The following RFK variants were observed in gnomAD, a reference collection of about 807,000 sequenced individuals.
The protein encoded by RFK is 0610038L10Rik.
In RFK, 4 loss-of-function variants were observed where a neutral mutation model predicts 17.6. The observed-to-expected ratio is 0.23, with a 90% CI of 0.11 to 0.52. RFK has a LOEUF of 0.52. Ranked by LOEUF, RFK falls within the 20% of genes least tolerant of loss-of-function variation. The pLI, the probability that RFK is intolerant of heterozygous loss-of-function variation, is 0.96. For missense variants in RFK, 189 were observed against 187.7 expected, an observed-to-expected ratio of 1.01 and a Z score of -0.04; for synonymous variants, 59 against 63.8, an observed-to-expected ratio of 0.92 and a Z score of 0.36.
In RFK at chr9:76,394,143, C is replaced by T. The variant is rs1351217661; in HGVS notation, c.29G>A (p.Gly10Asp). 6 of 1,609,554 alleles carry T rather than the reference C, an allele frequency of 3.7e-6. No homozygotes were observed. Reference sequence around the variant, plus strand: ...GCGGCCGAAGCCCCGCACCACTTGACCCCGGCAGAAGTAAGGCAGGTGCCT... The same window carrying T: ...GCGGCCGAAGCCCCGCACCACTTGATCCCGGCAGAAGTAAGGCAGGTGCCT... Reference protein sequence around the residue: MRHLPYFCRGQVVRGFGRGS... With the variant: MRHLPYFCRDQVVRGFGRGS... The change falls in exon 1 of 4, where the codon GGT becomes GAT. Residue 10 changes from glycine (G) to aspartate (D), a missense_variant. Physicochemically the swap from Gly to Asp is moderately conservative, Grantham distance 94 (BLOSUM62 -1). Coordinates refer to ENST00000376736, the MANE Select transcript of RFK (RefSeq NM_018339.6).
rs760803028 is a variant in RFK, at chr9:76,386,187, A to G, written c.*1212T>C. On this transcript the variant is annotated 3_prime_UTR_variant, in exon 4 of 4. Coordinates refer to ENST00000376736, the MANE Select transcript of RFK (RefSeq NM_018339.6). The stretch of plus-strand genomic sequence containing the variant: ...AGCATCTGTAATCTTAATTTCCCAC[A>G]TATTAGTTAGTAGGAGGAAAAATCC... 4 of 152,150 alleles carry G rather than the reference A, an allele frequency of 2.6e-5. No individual in the cohort carries two copies. Among genetic ancestry groups the G allele is most frequent in the Non-Finnish European group, 5.9e-5 (4 of 68,028 alleles). The allele number at this position is 152,150 out of a possible 1,614,324, so 9.4% of individuals were successfully genotyped here. A position where few individuals can be genotyped will look rare whatever the true frequency, so the allele number is the denominator to read the frequency against.
rs368837251 is a variant in RFK at position 76,392,282 on chromosome 9, CAG to C, written c.234+134_234+135del. ...TGAATTAAACTCTCCAATTAAAAGA[CAG>C]AGATTGCCCAAAATTCCAGTATTTG... On this transcript the variant is annotated intron_variant, in intron 2 of 3. Coordinates refer to ENST00000376736, the MANE Select transcript of RFK (RefSeq NM_018339.6). The C allele has an allele frequency of 6.5e-4, 529 of 812,944 alleles. 3 individuals carry two copies. The South Asian group carries it at 0.011, about 16-fold the overall frequency. The allele number at this position is 812,944 out of a possible 1,614,324, so 50.4% of individuals were successfully genotyped here.
chr9:76,392,874 A>T (rs1822835562), intron 1 of RFK, among the ~76,000 whole-genome samples: 1 of 152,232 alleles, frequency 6.6e-6, no homozygotes, highest in Non-Finnish European at 1.5e-5. Context: ...ACTGCACTCC[A>T]GCCTGAGTGG....
chr9:76,388,647 T>C lies in RFK; in HGVS notation c.244A>G (p.Ile82Val). The C allele has an allele frequency of 3.1e-6, 5 of 1,602,182 alleles. No individual in the cohort carries two copies. The highest frequency in any genetic ancestry group is 4.3e-6 in the Non-Finnish European group (5 of 1,169,270). Residue 82 changes from isoleucine to valine, a missense_variant, in exon 3 of 4, where the codon ATC becomes GTC. Physicochemically the swap from Ile to Val is conservative, Grantham distance 29. This residue lies in a region of RFK where 95 missense variants were observed against 95.7 expected (regional missense o/e 0.99). Coordinates refer to ENST00000376736, the MANE Select transcript of RFK (RefSeq NM_018339.6). ...AAGTCCTCTTTGAAGGTATGCATGA[T>C]ATGTGTTTCCTATAGTCAAGAAATG... is the stretch of plus-strand genomic sequence containing the variant. The part of the protein sequence containing the change: ...KNTKKSMETH[I>V]MHTFKEDFYG...
At chr9:76,388,148 C>T (rs889134846) in intron 3 of RFK, 2 of 399,164 alleles carry the variant, frequency 5.0e-6, no homozygotes, top group Non-Finnish European at 9.8e-6. Flanking sequence ...AACTTTATAA[C>T]AGAGTTAAAA....
rs1212758542 is a variant in RFK at position 76,388,657 on chromosome 9, C to T, written c.235-1G>A. 6.3e-7 allele frequency: 1 copy of T among 1,575,366 alleles called. No homozygotes were observed. The highest frequency in any genetic ancestry group is 1.7e-5 in the Admixed American group (1 of 59,458). On this transcript the variant is annotated splice_acceptor_variant, in intron 2 of 3. Transcript: ENST00000376736. LOFTEE classifies it high-confidence loss of function. The stretch of plus-strand genomic sequence containing the variant: ...TGAAGGTATGCATGATATGTGTTTC[C>T]TATAGTCAAGAAATGTTACAAAGAG...
chr9:76,391,917 C>T (rs1277375758), intron 2 of RFK, among the ~76,000 whole-genome samples: 1 of 141,836 alleles, frequency 7.1e-6, no homozygotes, highest in East Asian at 2.2e-4. Context: ...GTCTGGGCAA[C>T]ATAGTGAGAC....
Position 76,388,640 on chromosome 9 carries a change from T to A in RFK, c.251A>T (p.His84Leu), listed in dbSNP as rs201712160. The A allele has an allele frequency of 5.6e-6, 9 of 1,607,334 alleles. No homozygotes were observed. The highest frequency in any genetic ancestry group is 7.7e-6 in the Non-Finnish European group (9 of 1,173,812). ...TKKSMETHIM[H>L]TFKEDFYGEI... is the part of the protein sequence containing the mutation. ...CCCATAGAAGTCCTCTTTGAAGGTA[T>A]GCATGATATGTGTTTCCTATAGTCA... The change falls in exon 3 of 4, where the codon CAT (histidine) becomes CTT (leucine). Residue 84 changes from histidine (H) to leucine (L), a missense_variant. Around this residue, in one of 3 missense-constraint regions of RFK, gnomAD observed 95 missense variants for 95.7 expected, o/e 0.99. Coordinates refer to ENST00000376736, the MANE Select transcript of RFK (RefSeq NM_018339.6).
At chr9:76,393,756 C>T in intron 1 of RFK, 1 of 365,640 alleles carries the variant, frequency 2.7e-6, no homozygotes, top group Non-Finnish European at 5.0e-6. Flanking sequence ...GCCCACGTTA[C>T]GTCTCTAATG....
At position 76,387,381 on chromosome 9, in the gene RFK, A is replaced by C; in HGVS notation, c.*18T>G. Reference sequence around the variant, plus strand: ...AAACACTAGAAAACAGTGAATGAATAAATAATACAATTTTTCATCAGTGGC... The same window carrying C: ...AAACACTAGAAAACAGTGAATGAATCAATAATACAATTTTTCATCAGTGGC... On this transcript the variant is annotated 3_prime_UTR_variant, in exon 4 of 4. Coordinates refer to ENST00000376736, the MANE Select transcript of RFK (RefSeq NM_018339.6). 1 of 1,596,630 alleles carries C rather than the reference A, an allele frequency of 6.3e-7. No individual in the cohort carries two copies. The highest frequency in any genetic ancestry group is 8.5e-7 in the Non-Finnish European group (1 of 1,170,510).
intron 2 of RFK, among the ~76,000 whole-genome samples, chr9:76,390,174 T>C (rs543496818): frequency 2.0e-5 from 3 of 152,266 alleles, no homozygotes; most frequent in East Asian, 1.9e-4. Flanking sequence ...TACATCCATA[T>C]GGAAAAAAAT....
chr9:76,391,287 T>C (rs568693386), intron 2 of RFK, among the ~76,000 whole-genome samples: 1 of 152,344 alleles, frequency 6.6e-6, no homozygotes, highest in African/African-American at 2.4e-5. Context: ...AGAACAAAAT[T>C]TAGCTTCACT....
In RFK at chr9:76,385,638, CAATT is replaced by C. The variant is rs1822719620; in HGVS notation, c.*1757_*1760del. 1 of 152,136 alleles carries C rather than the reference CAATT, an allele frequency of 6.6e-6. No individual in the cohort carries two copies. Among genetic ancestry groups the C allele is most frequent in the Non-Finnish European group, 1.5e-5 (1 of 68,020 alleles). 9.4% of individuals were successfully genotyped at this position (152,136 alleles called of 1,614,324 possible). The stretch of plus-strand genomic sequence containing the variant: ...TAAAAGTTTTTGAAAGATATAGACA[CAATT>C]AACCCCTAAACAACACACTATCTGA... On this transcript the variant is annotated 3_prime_UTR_variant, in exon 4 of 4. Coordinates refer to ENST00000376736, the MANE Select transcript of RFK (RefSeq NM_018339.6).
rs916838630 is a variant in RFK, at chr9:76,386,296, A to T, written c.*1103T>A. 1 of 152,230 alleles carries T rather than the reference A, an allele frequency of 6.6e-6. No individual in the cohort carries two copies. Among genetic ancestry groups the T allele is most frequent in the South Asian group, 2.1e-4 (1 of 4,832 alleles). The allele number at this position is 152,230 out of a possible 1,614,324, so 9.4% of individuals were successfully genotyped here. The stretch of plus-strand genomic sequence containing the variant: ...TTTAGCATTAAATTACATCGTGCAT[A>T]TACAACTACACCCATTTAGATTTGC... On this transcript the variant is annotated 3_prime_UTR_variant, in exon 4 of 4. Coordinates refer to ENST00000376736, the MANE Select transcript of RFK (RefSeq NM_018339.6).
chr9:76,388,296 A>G lies in RFK; in HGVS notation c.337+258T>C, dbSNP rs753757750. ...AGAAGCAGCCAGCCTGCTAGGTTCA[A>G]AGCTAGACTCCGTTATTTACTATGT... is the stretch of plus-strand genomic sequence containing the variant. On this transcript the variant is annotated intron_variant, in intron 3 of 3. Coordinates refer to ENST00000376736, the MANE Select transcript of RFK (RefSeq NM_018339.6). 9 of 580,514 alleles carry G rather than the reference A, an allele frequency of 1.6e-5. 1 individual carries two copies. The highest frequency in any genetic ancestry group is 1.2e-4 in the South Asian group (8 of 65,426). 36.0% of individuals were successfully genotyped at this position (580,514 alleles called of 1,614,324 possible).
Position 76,387,269 on chromosome 9 carries a change from T to C in RFK, c.*130A>G. The C allele has an allele frequency of 1.2e-6, 1 of 801,944 alleles. No homozygotes were observed. The highest frequency in any genetic ancestry group is 2.3e-5 in the Admixed American group (1 of 43,188). The allele number at this position is 801,944 out of a possible 1,614,324, so 49.7% of individuals were successfully genotyped here. Reference sequence around the variant, plus strand: ...TTGAAGCATGATATGATAACAACATTGTACGGTTTAAACTAATTCACAACT... The same window carrying C: ...TTGAAGCATGATATGATAACAACATCGTACGGTTTAAACTAATTCACAACT... On this transcript the variant is annotated 3_prime_UTR_variant, in exon 4 of 4. Coordinates refer to ENST00000376736, the MANE Select transcript of RFK (RefSeq NM_018339.6).
At chr9:76,389,356 G>T (rs374208466) in intron 2 of RFK, among the ~76,000 whole-genome samples, 7 of 152,252 alleles carry the variant, frequency 4.6e-5, no homozygotes, top group Admixed American at 4.6e-4. Flanking sequence ...TGTAATGGGT[G>T]GGGGGCGGCT....
At chr9:76,394,068 A>G in intron 1 of RFK, 22 bp downstream of exon 1, 1 of 1,574,138 alleles carries the variant, frequency 6.4e-7, no homozygotes, top group Non-Finnish European at 8.6e-7. Flanking sequence ...GGCCCGGGGG[A>G]CTCTGGCCGC....
chr9:76,392,337 C>A, intron 2 of RFK, 81 bp downstream of exon 2: 2 of 1,433,254 alleles, frequency 1.4e-6, no homozygotes, highest in Non-Finnish European at 9.6e-7. Context: ...CACTGATAAG[C>A]TATTTCTGTA....
Sources: allele counts gnomAD v4.1 joint callset (sites outside exome capture counted in the v4.1 genomes callset), GRCh38; gene constraint gnomAD v4.1.1; regional missense constraint gnomAD v4.1.1; transcripts MANE v1.5; gene names NCBI Gene and HGNC (gene_info 2026-07-23, HGNC 2026-07-21).